The following VTI1A variants were observed in gnomAD, a reference collection of about 807,000 sequenced individuals.
VTI1A encodes the protein vesicle transport through interaction with t-SNAREs 1A.
Under a neutral mutation model 34.9 loss-of-function variants are expected in VTI1A, and 22 were observed. That is an observed-to-expected ratio of 0.63 (90% CI 0.45 to 0.90). VTI1A has a LOEUF of 0.90. VTI1A is among the 40% of genes least tolerant of loss of function. The pLI, the probability that VTI1A is intolerant of heterozygous loss-of-function variation, is 0.00. For synonymous variants in VTI1A, 87 were observed against 97.3 expected (o/e 0.89, Z 0.62); for missense variants, 268 against 275.6 (o/e 0.97, Z 0.20).
At chr10:112,752,353 G>T (rs1851133258) in intron 7 of VTI1A, 1 of 985,072 alleles carries the variant, frequency 1.0e-6, no homozygotes, top group African/African-American at 1.7e-5. Flanking sequence ...TCTTTTCCAG[G>T]TTTGTGCTAT....
intron 5 of VTI1A, chr10:112,548,966 TCTC>T (rs1466661639): frequency 1.5e-6 from 1 of 661,982 alleles, no homozygotes; most frequent in East Asian, 2.7e-5. Flanking sequence ...CTTTCTTTCT[TCTC>T]TTCTTCTCCT....
chr10:112,624,172 C>G (rs996550560), intron 5 of VTI1A, among the ~76,000 whole-genome samples: 1 of 152,182 alleles, frequency 6.6e-6, no homozygotes, highest in Non-Finnish European at 1.5e-5. Flanking sequence ...TTGTCGTCCT[C>G]TAGAGGCATC....
intron 5 of VTI1A, among the ~76,000 whole-genome samples, chr10:112,607,647 GT>G (rs1317563708): frequency 2.0e-5 from 3 of 152,186 alleles, no homozygotes; most frequent in Non-Finnish European, 2.9e-5. Context: ...TTTTGACACT[GT>G]GTCTTTGGGT....
intron 5 of VTI1A, among the ~76,000 whole-genome samples, chr10:112,583,031 C>T (rs902637415): frequency 6.6e-6 from 1 of 152,142 alleles, no homozygotes; most frequent in African/African-American, 2.4e-5. Flanking sequence ...GTAAACTCTT[C>T]CCAAATCGTT....
chr10:112,659,810 T>C (rs1847378572), intron 5 of VTI1A, among the ~76,000 whole-genome samples: 1 of 152,204 alleles, frequency 6.6e-6, no homozygotes, highest in African/African-American at 2.4e-5. Flanking sequence ...TTGAGATGAA[T>C]GTATAATTTT....
chr10:112,648,441 C>T (rs1846887309), intron 5 of VTI1A, among the ~76,000 whole-genome samples: 1 of 152,164 alleles, frequency 6.6e-6, no homozygotes, highest in African/African-American at 2.4e-5. Flanking sequence ...GAGAACAGTT[C>T]TGGTACCAAG....
rs570123158 is a variant in VTI1A, at chr10:112,695,816, G to A, written c.560+26818G>A. Among the ~76,000 whole-genome samples the A allele has an allele frequency of 1.4e-4, 22 of 152,286 alleles. No individual in the cohort carries two copies. In the East Asian group the frequency reaches 3.9e-3, roughly 27 times the overall value. On this transcript the variant is annotated intron_variant, in intron 7 of 7. Transcript: ENST00000393077. ...CTTCAGGAGGCTTTTTACGCCACAC[G>A]TGACCCATCCACTGAGGTTCATGAT...
intron 3 of VTI1A, among the ~76,000 whole-genome samples, chr10:112,497,046 G>A (rs1460946973): frequency 1.3e-5 from 2 of 152,076 alleles, no homozygotes; most frequent in Admixed American, 6.6e-5. Context: ...AGCTGGGTGC[G>A]GTGGCTTATG....
chr10:112,560,863 C>T (rs1415935268), intron 5 of VTI1A, among the ~76,000 whole-genome samples: 1 of 152,042 alleles, frequency 6.6e-6, no homozygotes, highest in Admixed American at 6.5e-5. Flanking sequence ...TCCCAGAGTG[C>T]TGGGATTACA....
At chr10:112,694,468 T>C (rs1440809848) in intron 7 of VTI1A, among the ~76,000 whole-genome samples, 2 of 152,054 alleles carry the variant, frequency 1.3e-5, no homozygotes, top group African/African-American at 4.8e-5. Flanking sequence ...TACATGAAGC[T>C]TGCTGACTTA....
At chr10:112,821,335 A>G (rs1362536835), downstream of VTI1A, among the ~76,000 whole-genome samples, 1 of 151,266 alleles carries the variant, frequency 6.6e-6, no homozygotes, top group Non-Finnish European at 1.5e-5. Context: ...TCCCCCTCCC[A>G]CTTCCCCGGC....
chr10:112,704,004 A>C (rs1343377559), intron 7 of VTI1A, among the ~76,000 whole-genome samples: 2 of 152,196 alleles, frequency 1.3e-5, no homozygotes, highest in Admixed American at 1.3e-4. Flanking sequence ...GTGACTGTCT[A>C]ATACATCTCA....
intron 5 of VTI1A, among the ~76,000 whole-genome samples, chr10:112,606,866 A>G (rs186327491): frequency 7.2e-4 from 110 of 152,338 alleles, no homozygotes; most frequent in African/African-American, 2.4e-3. Context: ...TAAAGAACCT[A>G]GTCCTAGTGG....
Position 112,643,985 on chromosome 10 carries a change from TAA to T in VTI1A, c.428-24221_428-24220del, listed in dbSNP as rs11288631. Among the ~76,000 whole-genome samples, 45 of 145,640 alleles carry T rather than the reference TAA, an allele frequency of 3.1e-4. 1 individual carries two copies. The highest frequency in any genetic ancestry group is 8.6e-4 in the South Asian group (4 of 4,626). ...ATATGGCAGCATAATGAATAGGAGGTAAAAAAAAAAAAATGTCCTGGCTTTCA... is the reference window on the plus strand; with the variant it reads ...ATATGGCAGCATAATGAATAGGAGGTAAAAAAAAAAATGTCCTGGCTTTCA... On this transcript the variant is annotated intron_variant, in intron 5 of 7. Transcript: ENST00000393077.
chr10:112,702,765 T>G (rs1849055469), intron 7 of VTI1A, among the ~76,000 whole-genome samples: 1 of 152,226 alleles, frequency 6.6e-6, no homozygotes, highest in Non-Finnish European at 1.5e-5. Flanking sequence ...TTTGTATTTT[T>G]GGTAGAGATG....
intron 4 of VTI1A, among the ~76,000 whole-genome samples, chr10:112,536,672 G>A (rs1850629483): frequency 6.6e-6 from 1 of 151,734 alleles, no homozygotes; most frequent in Non-Finnish European, 1.5e-5. Flanking sequence ...ATGATAGACT[G>A]TTGTTGCAGC....
the VTI1A span, among the ~76,000 whole-genome samples, chr10:112,835,679 C>T: frequency 6.6e-6 from 1 of 152,022 alleles, no homozygotes; most frequent in Admixed American, 6.5e-5. Flanking sequence ...AGGCTCTGCA[C>T]ACACTCTTGG....
At chr10:112,690,698 A>G (rs1036617600) in intron 7 of VTI1A, among the ~76,000 whole-genome samples, 6 of 152,200 alleles carry the variant, frequency 3.9e-5, no homozygotes, top group African/African-American at 1.4e-4. Flanking sequence ...AATGCTAAAA[A>G]CACCTTATTT....
intron 5 of VTI1A, among the ~76,000 whole-genome samples, chr10:112,641,590 G>T (rs1846576796): frequency 1.3e-5 from 2 of 152,110 alleles, no homozygotes; most frequent in Admixed American, 1.3e-4. Flanking sequence ...CAGTTGGCAA[G>T]GGTCCCAGCA....
Sources: allele counts gnomAD v4.1 joint callset (sites outside exome capture counted in the v4.1 genomes callset), GRCh38; gene constraint gnomAD v4.1.1; transcripts MANE v1.5; gene names NCBI Gene and HGNC (gene_info 2026-07-23, HGNC 2026-07-21).